The following PCDHGB6 variants were observed in gnomAD, a reference collection of about 807,000 sequenced individuals.
PCDHGB6 encodes the protein protocadherin gamma subfamily B, 6.
In PCDHGB6, 51 loss-of-function variants were observed where a neutral mutation model predicts 59.1. That is an observed-to-expected ratio of 0.86 (90% confidence interval 0.69 to 1.09). The LOEUF (loss-of-function observed/expected upper bound fraction) is 1.09, where lower values mean the gene tolerates loss of function less well. Among genes scored for constraint, PCDHGB6 ranks in the 50% least tolerant of loss-of-function variants. The pLI is 0.00. For missense variants in PCDHGB6, 1,148 were observed against 1,205.1 expected, an observed-to-expected ratio of 0.95 and a Z score of 0.70; for synonymous variants, 466 against 495.1, an observed-to-expected ratio of 0.94 and a Z score of 0.78.
chr5:141,438,579 CATACATACATACATAT>C (rs1360889040), intron 1 of PCDHGB6, among the ~76,000 whole-genome samples: 18 of 55,776 alleles, frequency 3.2e-4, no homozygotes, highest in Non-Finnish European at 5.1e-4. Context: ...GATATACATA[CATACATACATACATAT>C]ATATATATAT....
chr5:141,456,712 C>T (rs1025899058), intron 1 of PCDHGB6, among the ~76,000 whole-genome samples: 2 of 152,190 alleles, frequency 1.3e-5, no homozygotes, highest in African/African-American at 4.8e-5. Context: ...CGCCTGTAAT[C>T]CCAGCACTTT....
chr5:141,408,329 A>G lies in PCDHGB6; in HGVS notation c.127A>G (p.Lys43Glu), dbSNP rs2095085203. The change falls in exon 1 of 4, where the codon AAG (lysine) becomes GAG (glutamate). Residue 43 changes from lysine to glutamate, a missense_variant. Physicochemically the swap from Lys to Glu is moderately conservative, Grantham distance 56. This residue lies in a region of PCDHGB6 where 307 missense variants were observed against 323.8 expected (regional missense o/e 0.95). Coordinates refer to ENST00000520790, the MANE Select transcript of PCDHGB6 (RefSeq NM_018926.3). ...CTACTCGATTCCGGAGGAGCTGGCC[A>G]AGGGCTCGGTGGTGGGGAACCTCGC... Reference protein sequence around the residue: ...IRYSIPEELAKGSVVGNLAKD... With the variant: ...IRYSIPEELAEGSVVGNLAKD... The G allele has an allele frequency of 6.2e-7, 1 of 1,613,698 alleles. No individual in the cohort carries two copies. The highest frequency in any genetic ancestry group is 1.7e-5 in the Admixed American group (1 of 60,012).
chr5:141,456,735 C>T (rs568353480), intron 1 of PCDHGB6, among the ~76,000 whole-genome samples: 8 of 152,216 alleles, frequency 5.3e-5, no homozygotes, highest in East Asian at 3.9e-4. Context: ...GAGGCTGAGG[C>T]GGGAGCATCA....
chr5:141,441,280 G>A (rs2098237221), intron 1 of PCDHGB6: 1 of 152,090 alleles, frequency 6.6e-6, no homozygotes, highest in East Asian at 1.9e-4. Flanking sequence ...GGGAGAAAAC[G>A]AGGTCACATG....
At position 141,476,161 on chromosome 5, in the gene PCDHGB6, G is replaced by A. The variant is rs748660112; in HGVS notation, c.2419-18646G>A. 21 of 1,613,012 alleles carry A rather than the reference G, an allele frequency of 1.3e-5. No homozygotes were observed. Among genetic ancestry groups the A allele is most frequent in the Non-Finnish European group, 1.8e-5 (21 of 1,179,922 alleles). On this transcript the variant is annotated intron_variant, in intron 1 of 3. Transcript: ENST00000520790. The surrounding 1 kb of genome is among the most constrained non-coding windows in gnomAD (Gnocchi z 7.6). ...GGAGCGGACTGGTAAGCACCGGGAG[G>A]GTAGTGGGAGTTTTGCTTCTGCTTG... is the stretch of plus-strand genomic sequence containing the variant.
At chr5:141,504,743 G>A (rs924744762) in intron 2 of PCDHGB6, among the ~76,000 whole-genome samples, 5 of 151,982 alleles carry the variant, frequency 3.3e-5, no homozygotes, top group African/African-American at 9.7e-5. Context: ...GGAAGCCATT[G>A]AATTTTAGAA....
At chr5:141,423,424 T>C in intron 1 of PCDHGB6, 1 of 1,614,004 alleles carries the variant, frequency 6.2e-7, no homozygotes, top group Non-Finnish European at 8.5e-7. Flanking sequence ...TGAAGGCGGG[T>C]TGGCAGGTAT....
chr5:141,417,792 T>C, intron 1 of PCDHGB6: 1 of 1,483,216 alleles, frequency 6.7e-7, no homozygotes, highest in South Asian at 1.4e-5. Flanking sequence ...CCGAATGCTC[T>C]TTTAGCGCGG....
chr5:141,511,733 T>C lies in PCDHGB6; in HGVS notation c.*560T>C, dbSNP rs1032711521. 9 of 177,040 alleles carry C rather than the reference T, an allele frequency of 5.1e-5. No individual in the cohort carries two copies. The highest frequency in any genetic ancestry group is 8.7e-5 in the Non-Finnish European group (7 of 80,868). The allele number at this position is 177,040 out of a possible 1,614,324, so 11.0% of individuals were successfully genotyped here. ...TCCTTCCAGAGCCCAAGATCAATGC[T>C]CAAGTTTTGGAGGACATGATCACCA... On this transcript the variant is annotated 3_prime_UTR_variant, in exon 4 of 4. Transcript: ENST00000520790.
Position 141,409,571 on chromosome 5 carries a change from TA to T in PCDHGB6, c.1370del (p.Tyr457SerfsTer18). On this transcript the variant is annotated frameshift_variant, in exon 1 of 4. Transcript: ENST00000520790. LOFTEE classifies it high-confidence loss of function. ...CGCCCCAGTTTTCGACCAGACGTCC[TA>T]CGTGGTCCACGTGGCCGAGAACAAC... is the stretch of plus-strand genomic sequence containing the variant. The part of the protein sequence containing the change: ...DNAPVFDQTS[Y>X]VVHVAENNPP... The T allele has an allele frequency of 6.2e-7, 1 of 1,613,932 alleles. No homozygotes were observed. Among genetic ancestry groups the T allele is most frequent in the Non-Finnish European group, 8.5e-7 (1 of 1,179,896 alleles).
chr5:141,430,933 G>C (rs2097327058), intron 1 of PCDHGB6: 1 of 1,607,608 alleles, frequency 6.2e-7, no homozygotes, highest in East Asian at 2.2e-5. Flanking sequence ...AGCCCCGGGA[G>C]CTCGCGGAGC....
chr5:141,485,383 G>C lies in PCDHGB6; in HGVS notation c.2419-9424G>C. 6.2e-7 allele frequency: 1 copy of C among 1,614,128 alleles called. No individual in the cohort carries two copies. Among genetic ancestry groups the C allele is most frequent in the Non-Finnish European group, 8.5e-7 (1 of 1,180,020 alleles). On this transcript the variant is annotated intron_variant, in intron 1 of 3. Coordinates refer to ENST00000520790, the MANE Select transcript of PCDHGB6 (RefSeq NM_018926.3). The surrounding 1 kb of genome is among the most constrained non-coding windows in gnomAD (Gnocchi z 5.7). Reference sequence around the variant, plus strand: ...GCAGGCTGCAGGTCGCTGGAGAGGTGAACCAAAGACACTTCCGTGTGGATT... The same window carrying C: ...GCAGGCTGCAGGTCGCTGGAGAGGTCAACCAAAGACACTTCCGTGTGGATT...
chr5:141,481,445 T>C (rs760413279), intron 1 of PCDHGB6, among the ~76,000 whole-genome samples: 2 of 152,260 alleles, frequency 1.3e-5, no homozygotes, highest in Non-Finnish European at 2.9e-5. Context: ...GTTTAGTACA[T>C]GTAAATACAC....
At chr5:141,461,981 G>A (rs755173695) in intron 1 of PCDHGB6, among the ~76,000 whole-genome samples, 4 of 152,078 alleles carry the variant, frequency 2.6e-5, no homozygotes, top group Non-Finnish European at 5.9e-5. Context: ...ATGCCACCAC[G>A]CCAGGCTAAT....
chr5:141,495,384 C>A (rs2099760896), intron 2 of PCDHGB6, among the ~76,000 whole-genome samples: 1 of 152,190 alleles, frequency 6.6e-6, no homozygotes, highest in African/African-American at 2.4e-5. Flanking sequence ...AAGGACTGGG[C>A]GGGGCATGGA....
rs1265360670 is a variant in PCDHGB6, at chr5:141,435,001, T to A, written c.2418+24381T>A. On this transcript the variant is annotated intron_variant, in intron 1 of 3. Transcript: ENST00000520790. ...TACTCTATATCATTTTCTAGCTGAATTTATCAATGATAATGCTCTTTTCCC... is the reference window on the plus strand; with the variant it reads ...TACTCTATATCATTTTCTAGCTGAAATTATCAATGATAATGCTCTTTTCCC... Among the ~76,000 whole-genome samples the A allele has an allele frequency of 3.9e-5, 6 of 152,120 alleles. No homozygotes were observed. In the East Asian group the frequency reaches 1.2e-3, roughly 29 times the overall value.
At chr5:141,450,998 T>C (rs2098703513) in intron 1 of PCDHGB6, among the ~76,000 whole-genome samples, 1 of 151,696 alleles carries the variant, frequency 6.6e-6, no homozygotes, top group Non-Finnish European at 1.5e-5. Flanking sequence ...CTAATTTTTT[T>C]GTATTTTTTT....
At chr5:141,502,288 G>C (rs2099813700) in intron 2 of PCDHGB6, among the ~76,000 whole-genome samples, 1 of 151,338 alleles carries the variant, frequency 6.6e-6, no homozygotes, top group African/African-American at 2.5e-5. Flanking sequence ...ATTGCATTTG[G>C]TTGTCACGTC....
chr5:141,443,827 G>A (rs1425599112), intron 1 of PCDHGB6, among the ~76,000 whole-genome samples: 1 of 152,054 alleles, frequency 6.6e-6, no homozygotes, highest in African/African-American at 2.4e-5. Context: ...ACATAATTAG[G>A]TAAAATGGGT....
Sources: gnomAD v4.1 joint callset for allele counts (sites outside exome capture counted in the v4.1 genomes callset) on GRCh38, gnomAD v4.1.1 for gene constraint, gnomAD v4.1.1 regional missense constraint, Gnocchi (gnomAD v3.1) non-coding constraint, MANE v1.5 for transcripts, NCBI Gene and HGNC (gene_info 2026-07-23, HGNC 2026-07-21) for gene names.